Variants in ARHGEF12 observed in about 807,000 individuals in gnomAD.
ARHGEF12 encodes the protein KMT2A/ARHGEF12 fusion protein.
In ARHGEF12, 66 loss-of-function variants were observed where a neutral mutation model predicts 211.2. That is an observed-to-expected ratio of 0.31 (90% CI 0.26 to 0.38). ARHGEF12 has a LOEUF of 0.38. Among genes scored for constraint, ARHGEF12 ranks in the 10% least tolerant of loss-of-function variants. The pLI is 1.00. For synonymous variants in ARHGEF12, 592 were observed against 638.4 expected (o/e 0.93, Z 1.09); for missense variants, 1,429 against 1,869.5 (o/e 0.76, Z 4.34).
In ARHGEF12 at chr11:120,434,539, T is replaced by C. The variant is rs535499279; in HGVS notation, c.924+2628T>C. On this transcript the variant is annotated intron_variant, in intron 11 of 40. Transcript: ENST00000397843. ...GTATGGAGGACCCGGTCTGCTTTTG[T>C]TGTTGTTTTAACAGTACTTTGAGTC... 3.3e-5 allele frequency among the ~76,000 whole-genome samples: 5 copies of C among 152,366 alleles called. No homozygotes were observed. The South Asian group carries it at 1.0e-3, about 32-fold the overall frequency.
At chr11:120,349,249 A>G (rs1455249556) in intron 1 of ARHGEF12, among the ~76,000 whole-genome samples, 1 of 152,232 alleles carries the variant, frequency 6.6e-6, no homozygotes, top group South Asian at 2.1e-4. Flanking sequence ...TTCTCACCAT[A>G]CAATTATAGC....
At chr11:120,367,209 G>A (rs1943448079) in intron 1 of ARHGEF12, among the ~76,000 whole-genome samples, 1 of 151,798 alleles carries the variant, frequency 6.6e-6, no homozygotes, top group Admixed American at 6.6e-5. Context: ...TCAGAATTGT[G>A]GTTTGTGAAT....
chr11:120,350,226 G>A (rs1027982717), intron 1 of ARHGEF12, among the ~76,000 whole-genome samples: 5 of 152,164 alleles, frequency 3.3e-5, no homozygotes, highest in African/African-American at 1.2e-4. Flanking sequence ...ATTAAAGTGA[G>A]AAGTATGTGG....
intron 38 of ARHGEF12, 94 bp downstream of exon 38, chr11:120,480,524 T>C (rs1947203479): frequency 9.5e-7 from 1 of 1,047,274 alleles, no homozygotes; most frequent in Non-Finnish European, 1.4e-6. Flanking sequence ...TATCCAGGTG[T>C]GTGTGTGTGT....
chr11:120,477,116 T>A, intron 34 of ARHGEF12, 103 bp from the exon 35 acceptor site: 1 of 739,308 alleles, frequency 1.4e-6, no homozygotes, highest in Non-Finnish European at 2.3e-6. Flanking sequence ...TTGTTGTTGT[T>A]GTTGGTTGAT....
chr11:120,424,973 G>GT (rs1421183804), intron 7 of ARHGEF12, among the ~76,000 whole-genome samples: 1 of 152,124 alleles, frequency 6.6e-6, no homozygotes, highest in Non-Finnish European at 1.5e-5. Context: ...TTAAGAATTT[G>GT]TGATCTTCAG....
At chr11:120,339,348 C>A (rs1477484332) in intron 1 of ARHGEF12, among the ~76,000 whole-genome samples, 1 of 152,040 alleles carries the variant, frequency 6.6e-6, no homozygotes, top group African/African-American at 2.4e-5. Flanking sequence ...GGGGTGAAAT[C>A]TGGAGGTACT....
In ARHGEF12 at chr11:120,468,573, C is replaced by T. The variant is rs546235817; in HGVS notation, c.2855-715C>T. On this transcript the variant is annotated intron_variant, in intron 29 of 40. Coordinates refer to ENST00000397843, the MANE Select transcript of ARHGEF12 (RefSeq NM_015313.3). ...AAGCAATTCCCCTGCCTCAGCCTCC[C>T]GAGTAGCTGGGATTACAGGCGCACG... is the stretch of plus-strand genomic sequence containing the variant. 7.2e-5 allele frequency among the ~76,000 whole-genome samples: 11 copies of T among 152,274 alleles called. No homozygotes were observed. In the East Asian group the frequency reaches 7.7e-4, roughly 11 times the overall value.
intron 31 of ARHGEF12, 132 bp downstream of exon 31, chr11:120,473,259 ATT>A (rs983909898): frequency 2.5e-6 from 2 of 785,984 alleles, no homozygotes; most frequent in Non-Finnish European, 3.9e-6. Context: ...TGTATTTATG[ATT>A]TTTTTTGCTG....
intron 1 of ARHGEF12, among the ~76,000 whole-genome samples, chr11:120,361,011 A>G (rs76247469): frequency 6.6e-6 from 1 of 152,304 alleles, no homozygotes; most frequent in East Asian, 1.9e-4. Flanking sequence ...TTAAATTTTG[A>G]TGTTAATAAG....
intron 1 of ARHGEF12, among the ~76,000 whole-genome samples, chr11:120,396,903 G>T (rs753213522): frequency 5.9e-5 from 9 of 152,132 alleles, no homozygotes; most frequent in Non-Finnish European, 1.2e-4. Flanking sequence ...TTCCCAATTA[G>T]GACTGCTTTC....
chr11:120,429,829 C>A lies in ARHGEF12; in HGVS notation c.781C>A (p.Gln261Lys). The A allele has an allele frequency of 6.2e-7, 1 of 1,609,550 alleles. No individual in the cohort carries two copies. The highest frequency in any genetic ancestry group is 8.5e-7 in the Non-Finnish European group (1 of 1,178,796). ...GTTATCCAAAGCCACAGGCTCTGCT[C>A]AGGTAGCATCACTATTACAAGTGCT... ...EQLSKATGSA[Q>K]DGAVVTPSRP... The change falls in exon 10 of 41, where the codon CAG becomes AAG. Residue 261 changes from glutamine (Q) to lysine (K), a missense_variant and splice_region_variant. Physicochemically the swap from Gln to Lys is moderately conservative, Grantham distance 53. Coordinates refer to ENST00000397843, the MANE Select transcript of ARHGEF12 (RefSeq NM_015313.3).
intron 40 of ARHGEF12, among the ~76,000 whole-genome samples, chr11:120,484,837 A>G (rs1234609621): frequency 1.3e-5 from 2 of 152,080 alleles, no homozygotes; most frequent in Non-Finnish European, 2.9e-5. Flanking sequence ...CCTAGTGTGG[A>G]GGATTTGGCC....
At chr11:120,454,306 G>T (rs1190301989) in intron 22 of ARHGEF12, among the ~76,000 whole-genome samples, 1 of 152,104 alleles carries the variant, frequency 6.6e-6, no homozygotes, top group Non-Finnish European at 1.5e-5. Flanking sequence ...AGAGAATACA[G>T]TTAAACAGAA....
At chr11:120,372,884 T>C (rs1298539140) in intron 1 of ARHGEF12, among the ~76,000 whole-genome samples, 2 of 152,182 alleles carry the variant, frequency 1.3e-5, no homozygotes, top group South Asian at 2.1e-4. Flanking sequence ...CTGTAACTTA[T>C]TGATAATTTT....
intron 13 of ARHGEF12, among the ~76,000 whole-genome samples, chr11:120,440,515 T>G (rs889592303): frequency 6.6e-6 from 1 of 152,186 alleles, no homozygotes; most frequent in Non-Finnish European, 1.5e-5. Context: ...CCCAGTTCAT[T>G]GGTGCTATAA....
At chr11:120,438,619 A>C (rs1056556163) in intron 12 of ARHGEF12, 2 of 152,204 alleles carry the variant, frequency 1.3e-5, no homozygotes, top group East Asian at 3.8e-4. Context: ...CTGTTTATAC[A>C]ACTTCAGCTA....
intron 1 of ARHGEF12, among the ~76,000 whole-genome samples, chr11:120,405,601 T>C (rs1944677117): frequency 6.6e-6 from 1 of 152,198 alleles, no homozygotes; most frequent in Non-Finnish European, 1.5e-5. Context: ...AGATCAATAG[T>C]GCAGTAATCA....
intron 4 of ARHGEF12, among the ~76,000 whole-genome samples, chr11:120,416,798 C>T (rs1167857637): frequency 8.5e-5 from 13 of 152,054 alleles, no homozygotes; most frequent in African/African-American, 2.9e-4. Flanking sequence ...ACTACAGGCA[C>T]GCGCCACCAC....
Sources: gnomAD v4.1 joint callset for allele counts (sites outside exome capture counted in the v4.1 genomes callset) on GRCh38, gnomAD v4.1.1 for gene constraint, MANE v1.5 for transcripts, NCBI Gene and HGNC (gene_info 2026-07-23, HGNC 2026-07-21) for gene names.